Variants in DENND6A observed in about 807,000 individuals in gnomAD.
DENND6A encodes the protein DENN domain containing 6A.
DENND6A carries 43 observed loss-of-function variants against 95.5 expected under a neutral mutation model. The observed-to-expected ratio is 0.45, with a 90% CI of 0.35 to 0.58. DENND6A has a LOEUF of 0.58. DENND6A is among the 20% of genes least tolerant of loss of function. The pLI is 0.00. For synonymous variants in DENND6A, 257 were observed against 260.4 expected (o/e 0.99, Z 0.13); for missense variants, 574 against 736.0 (o/e 0.78, Z 2.55).
intron 9 of DENND6A, among the ~76,000 whole-genome samples, chr3:57,647,204 A>G (rs1236025175): frequency 6.6e-6 from 1 of 152,238 alleles, no homozygotes; most frequent in Non-Finnish European, 1.5e-5. Flanking sequence ...AACAACAATT[A>G]AGTGCAAAAA....
At chr3:57,663,866 C>A in intron 4 of DENND6A, 150 bp from the exon 5 acceptor site, 1 of 422,050 alleles carries the variant, frequency 2.4e-6, no homozygotes, top group Non-Finnish European at 4.3e-6. Context: ...GCTAGTTACG[C>A]TTTTCCAGCA....
chr3:57,642,758 CCTT>C (rs1559809616), intron 11 of DENND6A, among the ~76,000 whole-genome samples: 5 of 151,680 alleles, frequency 3.3e-5, no homozygotes, highest in African/African-American at 7.3e-5. Flanking sequence ...TAATCCCAGC[CCTT>C]TGGGAAGGCC....
rs1302355952 is a variant in DENND6A at position 57,626,318 on chromosome 3, A to G, written c.*1896T>C. On this transcript the variant is annotated 3_prime_UTR_variant, in exon 20 of 20. Coordinates refer to ENST00000311128, the MANE Select transcript of DENND6A (RefSeq NM_152678.3). ...AGAACAAAAGATAGCTTCTGAAGCC[A>G]TATCCTTTACAAATACATACAACTA... 2 of 152,514 alleles carry G rather than the reference A, an allele frequency of 1.3e-5. No individual in the cohort carries two copies. The highest frequency in any genetic ancestry group is 4.8e-5 in the African/African-American group (2 of 41,454). The allele number at this position is 152,514 out of a possible 1,614,324, so 9.4% of individuals were successfully genotyped here.
chr3:57,636,693 TTGGAAAGCTGAG>T (rs1198677492), intron 12 of DENND6A, among the ~76,000 whole-genome samples: 1 of 151,972 alleles, frequency 6.6e-6, no homozygotes, highest in Non-Finnish European at 1.5e-5. Flanking sequence ...TCTCAGCACT[TTGGAAAGCTGAG>T]GCGGGTGGAT....
At chr3:57,671,824 A>G (rs1275061691) in intron 3 of DENND6A, among the ~76,000 whole-genome samples, 4 of 152,220 alleles carry the variant, frequency 2.6e-5, no homozygotes, top group Admixed American at 1.3e-4. Flanking sequence ...TAACCCATAT[A>G]AACTACTGCA....
chr3:57,681,438 T>C lies in DENND6A; in HGVS notation c.238-9000A>G, dbSNP rs548482871. Among the ~76,000 whole-genome samples, 6 of 151,480 alleles carry C rather than the reference T, an allele frequency of 4.0e-5. No homozygotes were observed. In the South Asian group the frequency reaches 8.4e-4, roughly 21 times the overall value. On this transcript the variant is annotated intron_variant, in intron 1 of 19. Coordinates refer to ENST00000311128, the MANE Select transcript of DENND6A (RefSeq NM_152678.3). The stretch of plus-strand genomic sequence containing the variant: ...GAGATCACGCCACTGCACTCCAGCC[T>C]GGGTGACAGAGCAAGACTCTGCCTC...
At chr3:57,656,441 C>T (rs993374470) in intron 9 of DENND6A, among the ~76,000 whole-genome samples, 5 of 151,992 alleles carry the variant, frequency 3.3e-5, no homozygotes, top group African/African-American at 1.2e-4. Flanking sequence ...ATGGATACTT[C>T]GGTTGTGTAT....
chr3:57,639,519 A>G (rs190510759), intron 12 of DENND6A, among the ~76,000 whole-genome samples: 1 of 152,356 alleles, frequency 6.6e-6, no homozygotes, highest in African/African-American at 2.4e-5. Context: ...AAACCATGAA[A>G]ATGTCAAGAT....
At chr3:57,687,115 T>C (rs988165094) in intron 1 of DENND6A, among the ~76,000 whole-genome samples, 1 of 152,168 alleles carries the variant, frequency 6.6e-6, no homozygotes, top group South Asian at 2.1e-4. Context: ...TGCCTCAGCC[T>C]CCCAAAGCGC....
At chr3:57,641,327 A>G (rs2070930741) in intron 12 of DENND6A, among the ~76,000 whole-genome samples, 1 of 144,572 alleles carries the variant, frequency 6.9e-6, no homozygotes, top group Non-Finnish European at 1.5e-5. Flanking sequence ...TCAATATATT[A>G]TATTAAAATA....
At chr3:57,656,487 A>G (rs1213959871) in intron 9 of DENND6A, among the ~76,000 whole-genome samples, 1 of 152,170 alleles carries the variant, frequency 6.6e-6, no homozygotes, top group Non-Finnish European at 1.5e-5. Context: ...TACTATATAG[A>G]CATTTGCATA....
chr3:57,648,464 C>A (rs550790443), intron 9 of DENND6A, among the ~76,000 whole-genome samples: 2 of 152,146 alleles, frequency 1.3e-5, no homozygotes, highest in African/African-American at 4.8e-5. Flanking sequence ...CCCATCAATG[C>A]CCTCCTTACA....
intron 9 of DENND6A, among the ~76,000 whole-genome samples, chr3:57,649,234 T>C (rs1227563561): frequency 1.3e-5 from 2 of 151,920 alleles, no homozygotes; most frequent in African/African-American, 4.8e-5. Context: ...ATATACAAAT[T>C]GCCAACAAAC....
rs1464370685 is a variant in DENND6A, at chr3:57,626,260, G to A, written c.*1954C>T. 1 of 152,534 alleles carries A rather than the reference G, an allele frequency of 6.6e-6. No individual in the cohort carries two copies. The highest frequency in any genetic ancestry group is 1.5e-5 in the Non-Finnish European group (1 of 68,004). The allele number at this position is 152,534 out of a possible 1,614,324, so 9.4% of individuals were successfully genotyped here. Reference sequence around the variant, plus strand: ...TTACAAACGCAAGGAGTCTTTCTTGGGTCAGGAATGCCCTTAAGAGTTATA... The same window carrying A: ...TTACAAACGCAAGGAGTCTTTCTTGAGTCAGGAATGCCCTTAAGAGTTATA... On this transcript the variant is annotated 3_prime_UTR_variant, in exon 20 of 20. Coordinates refer to ENST00000311128, the MANE Select transcript of DENND6A (RefSeq NM_152678.3).
chr3:57,659,247 CT>C, intron 7 of DENND6A, 67 bp from the exon 8 acceptor site: 1 of 1,553,570 alleles, frequency 6.4e-7, no homozygotes. Flanking sequence ...CTGTATCCTG[CT>C]GCTAAAAAGG....
Position 57,651,920 on chromosome 3 carries a change from A to AT in DENND6A, c.819-5483dup, listed in dbSNP as rs376936634. Among the ~76,000 whole-genome samples the AT allele has an allele frequency of 4.1e-3, 630 of 152,292 alleles. 6 individuals are homozygous for AT. Among genetic ancestry groups the AT allele is most frequent in the African/African-American group, 0.015 (611 of 41,568 alleles). On this transcript the variant is annotated intron_variant, in intron 9 of 19. Transcript: ENST00000311128. ...TAAAAATAGTGTGGTGATTTAAAATATGTCCAGGCTGTGCATGGTGGCTCA... is the reference window on the plus strand; with the variant it reads ...TAAAAATAGTGTGGTGATTTAAAATATTGTCCAGGCTGTGCATGGTGGCTCA...
At position 57,641,643 on chromosome 3, in the gene DENND6A, T is replaced by C. The variant is rs1199686044; in HGVS notation, c.1132+10A>G. 2.5e-6 allele frequency: 4 copies of C among 1,604,438 alleles called. No homozygotes were observed. Among genetic ancestry groups the C allele is most frequent in the African/African-American group, 1.3e-5 (1 of 74,570 alleles). ...CACACTAGAAACAGAACACCAAGTTTATACTTTACCTGTAGGTTTAAGGTC... is the reference window on the plus strand; with the variant it reads ...CACACTAGAAACAGAACACCAAGTTCATACTTTACCTGTAGGTTTAAGGTC... On this transcript the variant is annotated intron_variant, in intron 12 of 19. Coordinates refer to ENST00000311128, the MANE Select transcript of DENND6A (RefSeq NM_152678.3).
chr3:57,641,858 T>A, intron 11 of DENND6A, 111 bp from the exon 12 acceptor site: 1 of 795,998 alleles, frequency 1.3e-6, no homozygotes, highest in East Asian at 2.8e-5. Flanking sequence ...GATTGATTTT[T>A]CCTTTATTCA....
rs555002287 is a variant in DENND6A, at chr3:57,627,737, G to C, written c.*477C>G. 1 of 153,476 alleles carries C rather than the reference G, an allele frequency of 6.5e-6. No homozygotes were observed. Among genetic ancestry groups the C allele is most frequent in the Admixed American group, 6.5e-5 (1 of 15,416 alleles). The allele number at this position is 153,476 out of a possible 1,614,324, so 9.5% of individuals were successfully genotyped here. A position where few individuals can be genotyped will look rare whatever the true frequency, so the allele number is the denominator to read the frequency against. Reference sequence around the variant, plus strand: ...TAGCAGCTGAACTGTGAAACATGTAGGACAACAGAAGGCACTACATAAGCA... The same window carrying C: ...TAGCAGCTGAACTGTGAAACATGTACGACAACAGAAGGCACTACATAAGCA... On this transcript the variant is annotated 3_prime_UTR_variant, in exon 20 of 20. Coordinates refer to ENST00000311128, the MANE Select transcript of DENND6A (RefSeq NM_152678.3).
Sources: gnomAD v4.1 joint callset for allele counts (sites outside exome capture counted in the v4.1 genomes callset) on GRCh38, gnomAD v4.1.1 for gene constraint, MANE v1.5 for transcripts, NCBI Gene and HGNC (gene_info 2026-07-23, HGNC 2026-07-21) for gene names.